Variants in UBTD2 observed in about 807,000 individuals in gnomAD.
UBTD2 encodes the protein ubiquitin domain containing 2.
Under a neutral mutation model 19.8 loss-of-function variants are expected in UBTD2, and 9 were observed. That is an observed-to-expected ratio of 0.46 (90% CI 0.27 to 0.79). The LOEUF (loss-of-function observed/expected upper bound fraction) is 0.79. Ranked by LOEUF, UBTD2 falls within the 30% of genes least tolerant of loss-of-function variation. The probability of loss-of-function intolerance (pLI) is 0.14; values close to 1 mark genes in which losing one functional copy is unlikely to be tolerated. For synonymous variants in UBTD2, 98 were observed against 103.9 expected, an observed-to-expected ratio of 0.94 and a Z score of 0.35; for missense variants, 250 against 300.4, an observed-to-expected ratio of 0.83 and a Z score of 1.24.
At chr5:172,277,086 A>G (rs1214750567) in intron 1 of UBTD2, among the ~76,000 whole-genome samples, 1 of 151,270 alleles carries the variant, frequency 6.6e-6, no homozygotes, top group African/African-American at 2.4e-5. Context: ...AAAAAAAAAA[A>G]AAAAAAAAAA....
chr5:172,230,119 C>T (rs575458101), intron 2 of UBTD2, among the ~76,000 whole-genome samples: 2 of 152,272 alleles, frequency 1.3e-5, no homozygotes, highest in South Asian at 2.1e-4. Flanking sequence ...TCATACCATT[C>T]TCAATATGAG....
At chr5:172,246,966 G>A (rs536558961) in intron 1 of UBTD2, among the ~76,000 whole-genome samples, 6 of 151,462 alleles carry the variant, frequency 4.0e-5, no homozygotes, top group East Asian at 3.9e-4. Context: ...ATGTTGGTCC[G>A]GCTGGTCTCA....
At chr5:172,279,615 TTACTTTGTACATCACTA>T (rs1436674942) in intron 1 of UBTD2, among the ~76,000 whole-genome samples, 7 of 152,220 alleles carry the variant, frequency 4.6e-5, no homozygotes, top group African/African-American at 1.7e-4. Context: ...AAGTGAGAAG[TTACTTTGTACATCACTA>T]TACTTTCATT....
At chr5:172,247,714 A>G (rs1316670783) in intron 1 of UBTD2, among the ~76,000 whole-genome samples, 1 of 152,238 alleles carries the variant, frequency 6.6e-6, no homozygotes, top group Non-Finnish European at 1.5e-5. Flanking sequence ...TTGAAGGGAG[A>G]TACAGTTCTA....
chr5:172,220,392 T>C (rs912742809), intron 2 of UBTD2, among the ~76,000 whole-genome samples: 1 of 152,142 alleles, frequency 6.6e-6, no homozygotes, highest in Non-Finnish European at 1.5e-5. Context: ...TCCCAGCACT[T>C]TGGGAGGCTG....
intron 2 of UBTD2, among the ~76,000 whole-genome samples, chr5:172,217,399 A>G (rs1771564952): frequency 6.9e-6 from 1 of 145,456 alleles, no homozygotes; most frequent in South Asian, 2.3e-4. Flanking sequence ...AGCCTGGGCG[A>G]AAGTGCGAGA....
chr5:172,262,769 C>T (rs1755298436), intron 1 of UBTD2, among the ~76,000 whole-genome samples: 1 of 152,002 alleles, frequency 6.6e-6, no homozygotes, highest in Non-Finnish European at 1.5e-5. Context: ...AGGCCAAGAT[C>T]ACGCCACTGC....
intron 1 of UBTD2, among the ~76,000 whole-genome samples, chr5:172,280,057 G>A (rs1172607132): frequency 1.3e-5 from 2 of 151,874 alleles, no homozygotes; most frequent in African/African-American, 4.8e-5. Context: ...AGCTGAGATC[G>A]TGCCATTGCA....
intron 2 of UBTD2, among the ~76,000 whole-genome samples, chr5:172,215,053 C>A (rs1232844721): frequency 6.6e-6 from 1 of 152,214 alleles, no homozygotes; most frequent in Non-Finnish European, 1.5e-5. Flanking sequence ...GAGCTGAAAT[C>A]TCTGTGGAAC....
chr5:172,227,293 G>A (rs889945726), intron 2 of UBTD2, among the ~76,000 whole-genome samples: 1 of 152,148 alleles, frequency 6.6e-6, no homozygotes, highest in Non-Finnish European at 1.5e-5. Context: ...AACAGCAGAG[G>A]AATAGATAAA....
intron 1 of UBTD2, among the ~76,000 whole-genome samples, chr5:172,282,321 G>A (rs947956940): frequency 1.3e-5 from 2 of 152,050 alleles, no homozygotes; most frequent in Non-Finnish European, 2.9e-5. Flanking sequence ...ACACTATAAA[G>A]TAGCATTTTC....
At chr5:172,240,751 T>C (rs1255157503) in intron 1 of UBTD2, among the ~76,000 whole-genome samples, 12 of 152,206 alleles carry the variant, frequency 7.9e-5, no homozygotes, top group South Asian at 2.1e-4. Flanking sequence ...AACAACTTTA[T>C]TGAGAAAGAT....
In UBTD2 at chr5:172,283,497, G is replaced by A; in HGVS notation, c.70+99C>T. On this transcript the variant is annotated intron_variant, in intron 1 of 2. Coordinates refer to ENST00000393792, the MANE Select transcript of UBTD2 (RefSeq NM_152277.3). The surrounding 1 kb of genome is among the most constrained non-coding windows in gnomAD (Gnocchi z 4.3). ...TGACGTGGAAGAGGGGATGACAAAG[G>A]GGCGCGGGGGCCCGGCGCGGCCCGC... The A allele has an allele frequency of 1.0e-6, 1 of 959,518 alleles. No individual in the cohort carries two copies. The highest frequency in any genetic ancestry group is 1.4e-6 in the Non-Finnish European group (1 of 740,450). The allele number at this position is 959,518 out of a possible 1,614,324, so 59.4% of individuals were successfully genotyped here.
At chr5:172,250,838 T>G (rs1183745104) in intron 1 of UBTD2, among the ~76,000 whole-genome samples, 1 of 137,206 alleles carries the variant, frequency 7.3e-6, no homozygotes, top group Admixed American at 8.4e-5. Flanking sequence ...GAGGCTGAGG[T>G]GGGTGGATCA....
At chr5:172,243,127 CTTTT>C (rs377346393) in intron 1 of UBTD2, among the ~76,000 whole-genome samples, 4 of 132,678 alleles carry the variant, frequency 3.0e-5, no homozygotes, top group Non-Finnish European at 4.8e-5. Context: ...CATGACTGGC[CTTTT>C]TTTTTTTTTT....
At position 172,283,509 on chromosome 5, in the gene UBTD2, C is replaced by A; in HGVS notation, c.70+87G>T. On this transcript the variant is annotated intron_variant, in intron 1 of 2. Transcript: ENST00000393792. This position sits in a 1 kb window ranked among gnomAD's most constrained non-coding sequence, Gnocchi z 4.3. Reference sequence around the variant, plus strand: ...GGGGATGACAAAGGGGCGCGGGGGCCCGGCGCGGCCCGCGGGGGTCGGGAC... The same window carrying A: ...GGGGATGACAAAGGGGCGCGGGGGCACGGCGCGGCCCGCGGGGGTCGGGAC... The A allele has an allele frequency of 1.8e-6, 2 of 1,082,626 alleles. No individual in the cohort carries two copies. The highest frequency in any genetic ancestry group is 2.4e-6 in the Non-Finnish European group (2 of 848,736). 67.1% of individuals were successfully genotyped at this position (1,082,626 alleles called of 1,614,324 possible). A position where few individuals can be genotyped will look rare whatever the true frequency, so the allele number is the denominator to read the frequency against.
At position 172,229,835 on chromosome 5, in the gene UBTD2, G is replaced by GT. The variant is rs573493099; in HGVS notation, c.307+4286dup. 1.9e-3 allele frequency among the ~76,000 whole-genome samples: 283 copies of GT among 152,136 alleles called. 5 individuals are homozygous for GT. Among genetic ancestry groups the GT allele is most frequent in the Admixed American group, 0.017 (258 of 15,282 alleles). On this transcript the variant is annotated intron_variant, in intron 2 of 2. Transcript: ENST00000393792. The stretch of plus-strand genomic sequence containing the variant: ...TGTGTGAAAAGTGTAAATACTACTT[G>GT]TTTTTTTCTTACCCTGTTTATACCA...
intron 1 of UBTD2, among the ~76,000 whole-genome samples, chr5:172,241,182 C>A (rs917138049): frequency 1.3e-5 from 2 of 151,720 alleles, no homozygotes; most frequent in South Asian, 4.2e-4. Context: ...GGGAGGCCGA[C>A]GTGAGTGGAT....
intron 1 of UBTD2, among the ~76,000 whole-genome samples, chr5:172,265,689 T>C (rs1042852639): frequency 6.6e-6 from 1 of 152,160 alleles, no homozygotes; most frequent in Non-Finnish European, 1.5e-5. Flanking sequence ...CTATTCATTA[T>C]TTCACTTATT....
Sources: allele counts gnomAD v4.1 joint callset (sites outside exome capture counted in the v4.1 genomes callset), GRCh38; gene constraint gnomAD v4.1.1; non-coding constraint Gnocchi (gnomAD v3.1); transcripts MANE v1.5; gene names NCBI Gene and HGNC (gene_info 2026-07-23, HGNC 2026-07-21).